Variants in SEMA3C observed in about 807,000 individuals in gnomAD.
SEMA3C encodes semaphorin-3C.
Under a neutral mutation model 89.4 loss-of-function variants are expected in SEMA3C, and 47 were observed. That is an observed-to-expected ratio of 0.53 (90% CI 0.42 to 0.67). The LOEUF is 0.67. Among genes scored for constraint, SEMA3C ranks in the 30% least tolerant of loss-of-function variants. SEMA3C has a pLI of 0.00. For synonymous variants in SEMA3C, 310 were observed against 320.2 expected (o/e 0.97, Z 0.34); for missense variants, 839 against 929.1 (o/e 0.90, Z 1.26).
At chr7:80,760,247 T>C (rs1238250098) in intron 14 of SEMA3C, among the ~76,000 whole-genome samples, 1 of 152,236 alleles carries the variant, frequency 6.6e-6, no homozygotes, top group Non-Finnish European at 1.5e-5. Flanking sequence ...ATTTAAGACG[T>C]TGAAGACAGA....
chr7:80,840,853 A>C (rs1790250993), intron 2 of SEMA3C, among the ~76,000 whole-genome samples: 1 of 152,222 alleles, frequency 6.6e-6, no homozygotes, highest in Admixed American at 6.5e-5. Context: ...AGGGAGGGTA[A>C]GTGTTTAAGA....
intron 2 of SEMA3C, among the ~76,000 whole-genome samples, chr7:80,879,658 G>C (rs1312841695): frequency 6.6e-6 from 1 of 152,044 alleles, no homozygotes; most frequent in Non-Finnish European, 1.5e-5. Flanking sequence ...CTTATACTTA[G>C]CTTATTAAGC....
At chr7:80,885,571 T>G (rs1791455183) in intron 2 of SEMA3C, among the ~76,000 whole-genome samples, 1 of 152,176 alleles carries the variant, frequency 6.6e-6, no homozygotes, top group African/African-American at 2.4e-5. Flanking sequence ...GAGCTGAGAT[T>G]GCGCCACTGC....
intron 2 of SEMA3C, among the ~76,000 whole-genome samples, chr7:80,842,109 C>G (rs923892065): frequency 6.6e-6 from 1 of 152,144 alleles, no homozygotes; most frequent in African/African-American, 2.4e-5. Context: ...GAGATTTAAA[C>G]AGTCCTTGGG....
intron 2 of SEMA3C, among the ~76,000 whole-genome samples, chr7:80,833,914 G>A (rs553036307): frequency 6.6e-6 from 1 of 152,096 alleles, no homozygotes; most frequent in Non-Finnish European, 1.5e-5. Context: ...CACGGTTATA[G>A]AAAGTGACTG....
intron 12 of SEMA3C, 108 bp from the exon 13 acceptor site, chr7:80,765,351 C>CA (rs1788275070): frequency 2.6e-6 from 2 of 772,652 alleles, no homozygotes; most frequent in Non-Finnish European, 4.2e-6. Flanking sequence ...ATTTAGTAAT[C>CA]AAAAAACATT....
intron 2 of SEMA3C, among the ~76,000 whole-genome samples, chr7:80,864,386 T>G (rs1790877291): frequency 6.6e-6 from 1 of 151,692 alleles, no homozygotes; most frequent in African/African-American, 2.4e-5. Context: ...CGCAATAACT[T>G]ATGAAAAAAT....
At chr7:80,782,055 G>T (rs1788703443) in intron 12 of SEMA3C, among the ~76,000 whole-genome samples, 1 of 152,122 alleles carries the variant, frequency 6.6e-6, no homozygotes, top group African/African-American at 2.4e-5. Context: ...TTTGAATATA[G>T]ATATGAGTCC....
chr7:80,794,835 A>G (rs116850730), intron 11 of SEMA3C, among the ~76,000 whole-genome samples: 2,212 of 152,264 alleles, frequency 0.015, 63 homozygotes, highest in Admixed American at 0.068. Flanking sequence ...TGTTTCTTCC[A>G]CAAACTTGAA....
intron 2 of SEMA3C, among the ~76,000 whole-genome samples, chr7:80,892,637 C>T (rs779189925): frequency 1.3e-5 from 2 of 152,042 alleles, no homozygotes; most frequent in Non-Finnish European, 2.9e-5. Context: ...GAAGTTAGGA[C>T]ATTAGATCAT....
At chr7:80,776,850 G>A (rs1788559945) in intron 12 of SEMA3C, among the ~76,000 whole-genome samples, 1 of 152,152 alleles carries the variant, frequency 6.6e-6, no homozygotes, top group African/African-American at 2.4e-5. Flanking sequence ...TCTGTGAAAG[G>A]AGATGCTTTT....
intron 2 of SEMA3C, among the ~76,000 whole-genome samples, chr7:80,864,596 C>T (rs576764840): frequency 1.3e-5 from 2 of 152,136 alleles, no homozygotes; most frequent in Admixed American, 1.3e-4. Flanking sequence ...AAAAGCCCCT[C>T]ACCAACACCT....
At chr7:80,817,614 T>C (rs1448546131) in intron 5 of SEMA3C, among the ~76,000 whole-genome samples, 2 of 152,168 alleles carry the variant, frequency 1.3e-5, no homozygotes, top group Non-Finnish European at 2.9e-5. Context: ...GCCTCATATT[T>C]GACTATACAT....
chr7:80,885,580 G>A (rs1319233030), intron 2 of SEMA3C, among the ~76,000 whole-genome samples: 1 of 152,192 alleles, frequency 6.6e-6, no homozygotes, highest in Non-Finnish European at 1.5e-5. Flanking sequence ...TTGCGCCACT[G>A]CACTTCAGCG....
intron 14 of SEMA3C, among the ~76,000 whole-genome samples, chr7:80,758,694 TA>T (rs1788121339): frequency 6.6e-6 from 1 of 152,194 alleles, no homozygotes; most frequent in African/African-American, 2.4e-5. Flanking sequence ...ACTTTTCTGT[TA>T]AAAAAGAAAA....
intron 2 of SEMA3C, among the ~76,000 whole-genome samples, chr7:80,913,369 C>A (rs941556022): frequency 1.9e-4 from 29 of 152,096 alleles, no homozygotes; most frequent in Non-Finnish European, 2.2e-4. Flanking sequence ...CCATTGCACT[C>A]CAGCCTGGGA....
intron 2 of SEMA3C, among the ~76,000 whole-genome samples, chr7:80,877,270 C>T (rs1412550345): frequency 6.6e-6 from 1 of 152,186 alleles, no homozygotes; most frequent in Non-Finnish European, 1.5e-5. Flanking sequence ...TCACACTACA[C>T]ACTTTTTCTA....
intron 11 of SEMA3C, chr7:80,793,265 TC>T (rs1289839800): frequency 4.8e-6 from 1 of 208,880 alleles, no homozygotes; most frequent in Middle Eastern, 1.8e-3. Context: ...ACAGCAATTG[TC>T]CTTACCAAAC....
At chr7:80,819,046 G>T (rs939509359) in intron 4 of SEMA3C, among the ~76,000 whole-genome samples, 1 of 152,298 alleles carries the variant, frequency 6.6e-6, no homozygotes, top group South Asian at 2.1e-4. Context: ...ATTGAACAGA[G>T]TTGTCATACA....
Sources: allele counts gnomAD v4.1 joint callset (sites outside exome capture counted in the v4.1 genomes callset), GRCh38; gene constraint gnomAD v4.1.1; transcripts MANE v1.5; gene names NCBI Gene and HGNC (gene_info 2026-07-23, HGNC 2026-07-21).